ATPAF1: variants seen among roughly 807,000 people sequenced by gnomAD.
ATPAF1 encodes the protein ATP synthase mitochondrial F1 complex assembly factor 1.
ATPAF1 carries 26 observed loss-of-function variants against 43.9 expected under a neutral mutation model. The observed-to-expected ratio is 0.59, with a 90% CI of 0.43 to 0.82. The LOEUF is 0.82. Ranked by LOEUF, ATPAF1 falls within the 40% of genes least tolerant of loss-of-function variation. The probability of loss-of-function intolerance (pLI) is 0.00; values close to 1 mark genes in which losing one functional copy is unlikely to be tolerated. For missense variants in ATPAF1, 366 were observed against 435.0 expected (o/e 0.84, Z 1.41); for synonymous variants, 157 against 168.0 (o/e 0.93, Z 0.50).
At chr1:46,652,272 C>T (rs631840) in intron 6 of ATPAF1, 25,336 of 237,966 alleles carry the variant, frequency 0.11, 4,500 homozygotes, top group African/African-American at 0.39. Context: ...GCACTTGTAC[C>T]GATAGATTAA....
chr1:46,668,379 G>A (rs767958364), upstream of ATPAF1: 1 of 1,249,220 alleles, frequency 8.0e-7, no homozygotes, highest in Non-Finnish European at 1.0e-6. This position sits in a 1 kb window ranked among gnomAD's most constrained non-coding sequence, Gnocchi z 4.4. Flanking sequence ...CGCGGCCCGC[G>A]CGCCCGCTCC....
At chr1:46,635,681 A>G in exon 9 of ATPAF1, 9 of 1,262,038 alleles carry the variant, frequency 7.1e-6, no homozygotes, top group Non-Finnish European at 9.9e-6. Context: ...CCAACTGCTC[A>G]TTATAAATGC....
At chr1:46,636,361 T>C (rs1675841483) in intron 8 of ATPAF1, among the ~76,000 whole-genome samples, 1 of 152,198 alleles carries the variant, frequency 6.6e-6, no homozygotes, top group Non-Finnish European at 1.5e-5. Context: ...GTTAAATATA[T>C]TTCAAGGGGG....
At chr1:46,639,869 G>T (rs968068500) in intron 8 of ATPAF1, among the ~76,000 whole-genome samples, 1 of 152,206 alleles carries the variant, frequency 6.6e-6, no homozygotes, top group African/African-American at 2.4e-5. Flanking sequence ...ACAATGATGA[G>T]AACTGCACAG....
chr1:46,636,030 G>C lies in ATPAF1; in HGVS notation c.793-60C>G, dbSNP rs561170201. On this transcript the variant is annotated intron_variant, in intron 8 of 8. Transcript: ENST00000574428. ...GCACAGGGCCACAAAGCTCTTGTCT[G>C]AATTGTGTGGTGGGTGGGGGCCCTC... The C allele has an allele frequency of 3.2e-6, 5 of 1,583,408 alleles. No homozygotes were observed. In the African/African-American group the frequency reaches 5.4e-5, roughly 17 times the overall value.
intron 7 of ATPAF1, among the ~76,000 whole-genome samples, chr1:46,644,956 G>A (rs1676013114): frequency 1.3e-5 from 2 of 152,218 alleles, no homozygotes; most frequent in Admixed American, 1.3e-4. Context: ...GTCAGAGAAG[G>A]TGTTTTGGAG....
At chr1:46,636,213 T>C (rs1675838471) in intron 8 of ATPAF1, 1 of 566,144 alleles carries the variant, frequency 1.8e-6, no homozygotes, top group Non-Finnish European at 3.2e-6. Context: ...TTTTGTCTAT[T>C]TTCCCTAGTA....
chr1:46,634,905 C>T (rs993130749), downstream of ATPAF1: 6 of 152,568 alleles, frequency 3.9e-5, no homozygotes, highest in Non-Finnish European at 7.3e-5. Context: ...TTTTGTATAA[C>T]AAACATTGTA....
Position 46,654,997 on chromosome 1 carries a change from G to A in ATPAF1, c.490-1130C>T, listed in dbSNP as rs115646364. Among the ~76,000 whole-genome samples, 904 of 152,222 alleles carry A rather than the reference G, an allele frequency of 5.9e-3. 6 individuals carry two copies. Among genetic ancestry groups the A allele is most frequent in the African/African-American group, 0.021 (862 of 41,532 alleles). ...CACAGTTCCACAGGGCTGGGAAGGC[G>A]TTAAGAATCTTACAATCATGGTGGA... On this transcript the variant is annotated intron_variant, in intron 4 of 8. Transcript: ENST00000574428.
intron 6 of ATPAF1, among the ~76,000 whole-genome samples, 182 bp from the exon 7 acceptor site, chr1:46,645,438 C>T (rs1186737368): frequency 2.0e-5 from 3 of 152,070 alleles, no homozygotes; most frequent in South Asian, 2.1e-4. Flanking sequence ...CACAGCTCAC[C>T]GCAGTCTTGA....
intron 6 of ATPAF1, chr1:46,652,359 A>G (rs554839479): frequency 3.9e-5 from 18 of 457,468 alleles, no homozygotes; most frequent in Admixed American, 3.0e-4. Context: ...ACATGATTTC[A>G]TAAGGCTGAA....
rs1676215933 is a variant in ATPAF1 at position 46,653,923 on chromosome 1, C to T, written c.490-56G>A. ...ATGTGGGTAATCTTTTCAACATGTG[C>T]CAAGAAATGGTGACAGTTTTCATTG... On this transcript the variant is annotated intron_variant, in intron 4 of 8. Coordinates refer to ENST00000574428, the Ensembl canonical transcript of ATPAF1. The surrounding 1 kb of genome is among the most constrained non-coding windows in gnomAD (Gnocchi z 4.8). 7 of 1,522,446 alleles carry T rather than the reference C, an allele frequency of 4.6e-6. No individual in the cohort carries two copies. The East Asian group carries it at 1.4e-4, about 30-fold the overall frequency. The allele number at this position is 1,522,446 out of a possible 1,614,324, so 94.3% of individuals were successfully genotyped here. A position where few individuals can be genotyped will look rare whatever the true frequency, so the allele number is the denominator to read the frequency against.
intron 8 of ATPAF1, among the ~76,000 whole-genome samples, chr1:46,638,696 G>A (rs529750292): frequency 1.9e-4 from 29 of 151,846 alleles, no homozygotes; most frequent in Middle Eastern, 3.2e-3. Flanking sequence ...AGAGAGAGAT[G>A]TCTACCTCTC....
chr1:46,661,550 ACTTTT>A (rs924477097), intron 2 of ATPAF1, among the ~76,000 whole-genome samples: 2 of 152,204 alleles, frequency 1.3e-5, no homozygotes, highest in Non-Finnish European at 2.9e-5. Flanking sequence ...GTTAAAAAAT[ACTTTT>A]CTTTATATTA....
chr1:46,665,768 C>T, intron 1 of ATPAF1: 2 of 1,506,350 alleles, frequency 1.3e-6, no homozygotes, highest in Non-Finnish European at 1.8e-6. Flanking sequence ...GAAAATATGT[C>T]CCCCCAACCA....
In ATPAF1 at chr1:46,640,635, A is replaced by AAAACAAAC. The variant is rs144519905; in HGVS notation, c.792+2551_792+2558dup. ...GCCAACACAGCGAGACTCTGTCTCA[A>AAAACAAAC]AAACAAACAAACAAACAAACAAACA... On this transcript the variant is annotated intron_variant, in intron 8 of 8. Coordinates refer to ENST00000574428, the Ensembl canonical transcript of ATPAF1. Among the ~76,000 whole-genome samples, 679 of 150,474 alleles carry AAAACAAAC rather than the reference A, an allele frequency of 4.5e-3. 3 individuals are homozygous for AAAACAAAC. The highest frequency in any genetic ancestry group is 9.5e-3 in the South Asian group (45 of 4,734).
chr1:46,640,044 T>C (rs770915959), intron 8 of ATPAF1, among the ~76,000 whole-genome samples: 52 of 152,170 alleles, frequency 3.4e-4, no homozygotes, highest in Non-Finnish European at 7.5e-4. Flanking sequence ...GATCAAATTA[T>C]TTCCTATCTT....
chr1:46,639,021 A>G (rs1675898269), intron 8 of ATPAF1, among the ~76,000 whole-genome samples: 1 of 152,172 alleles, frequency 6.6e-6, no homozygotes, highest in Non-Finnish European at 1.5e-5. Flanking sequence ...TGTGCAGACT[A>G]TTGCAACTGA....
At chr1:46,645,321 A>C in intron 6 of ATPAF1, 65 bp from the exon 7 acceptor site, 1 of 1,226,432 alleles carries the variant, frequency 8.2e-7, no homozygotes, top group Non-Finnish European at 1.2e-6. Context: ...ATATCCAACC[A>C]CCTGTAACAT....
Sources: allele counts gnomAD v4.1 joint callset (sites outside exome capture counted in the v4.1 genomes callset), GRCh38; gene constraint gnomAD v4.1.1; non-coding constraint Gnocchi (gnomAD v3.1); transcripts MANE v1.5; gene names NCBI Gene and HGNC (gene_info 2026-07-23, HGNC 2026-07-21).